Variants in ASPSCR1 observed in about 807,000 individuals in gnomAD.
ASPSCR1 encodes ASPSCR1 tether for SLC2A4, UBX domain containing, also known as tether containing UBX domain for GLUT4.
ASPSCR1 carries 55 observed loss-of-function variants against 68.9 expected under a neutral mutation model. That is an observed-to-expected ratio of 0.80 (90% CI 0.64 to 1.00). The LOEUF is 1.00. ASPSCR1 is among the 50% of genes least tolerant of loss of function. ASPSCR1 has a pLI of 0.00. For synonymous variants in ASPSCR1, 352 were observed against 332.6 expected (o/e 1.06, Z -0.63); for missense variants, 765 against 762.2 (o/e 1.00, Z -0.04).
At chr17:81,992,602 G>A (rs374772892) in intron 4 of ASPSCR1, among the ~76,000 whole-genome samples, 151 of 152,314 alleles carry the variant, frequency 9.9e-4, no homozygotes, top group East Asian at 4.1e-3. Flanking sequence ...TGTCATGCTG[G>A]GGAGCGGGGA....
chr17:81,999,209 CTG>C lies in ASPSCR1; in HGVS notation c.933+2364_933+2365del, dbSNP rs926910619. On this transcript the variant is annotated intron_variant, in intron 7 of 15. Coordinates refer to ENST00000306739, the MANE Select transcript of ASPSCR1 (RefSeq NM_024083.4). The surrounding 1 kb of genome is among the most constrained non-coding windows in gnomAD (Gnocchi z 4.4). ...GGCTGTTTCCCAGCCCCTGTGTCCC[CTG>C]AGGGCCAGGCTGCCAGCTGCCAGCC... 1.3e-5 allele frequency among the ~76,000 whole-genome samples: 2 copies of C among 152,228 alleles called. No individual in the cohort carries two copies. Among genetic ancestry groups the C allele is most frequent in the Non-Finnish European group, 2.9e-5 (2 of 68,040 alleles).
chr17:82,009,772 C>T (rs554780624), intron 9 of ASPSCR1, among the ~76,000 whole-genome samples: 1 of 149,574 alleles, frequency 6.7e-6, no homozygotes, highest in African/African-American at 2.5e-5. Flanking sequence ...GACTGAGGTA[C>T]AGCTCTGAGG....
chr17:81,980,289 C>G (rs1311159683), intron 2 of ASPSCR1, among the ~76,000 whole-genome samples: 3 of 152,234 alleles, frequency 2.0e-5, no homozygotes, highest in Non-Finnish European at 4.4e-5. Flanking sequence ...CCTTGAAGAC[C>G]TGTTTTTACA....
chr17:82,009,108 C>T lies in ASPSCR1; in HGVS notation c.1005C>T (p.Ala335=). Residue 335 remains alanine, a synonymous_variant, in exon 8 of 16, where the codon GCC becomes GCT. Coordinates refer to ENST00000306739, the MANE Select transcript of ASPSCR1 (RefSeq NM_024083.4). ...CCGACCTGGAGGAGCGGCTGCAGGC[C>T]TGGCCAGCGGAGCTGCCTGATGAGT... is the stretch of plus-strand genomic sequence containing the variant. The part of the protein sequence containing the change: ...CHPDLEERLQ[A]WPAELPDEFF... The T allele has an allele frequency of 6.3e-7, 1 of 1,598,454 alleles. No homozygotes were observed. Among genetic ancestry groups the T allele is most frequent in the South Asian group, 1.1e-5 (1 of 88,990 alleles).
intron 5 of ASPSCR1, chr17:81,995,384 T>G: frequency 4.3e-6 from 1 of 230,014 alleles, no homozygotes; most frequent in South Asian, 1.1e-4. Flanking sequence ...ACGGGGAGGT[T>G]CAGGTCTACG....
intron 3 of ASPSCR1, among the ~76,000 whole-genome samples, chr17:81,984,398 G>T (rs1163171057): frequency 6.6e-6 from 1 of 151,958 alleles, no homozygotes; most frequent in East Asian, 1.9e-4. Context: ...CCAACATAAT[G>T]AAACCCCGTC....
chr17:82,014,409 TG>T (rs2144102664), intron 12 of ASPSCR1: 1 of 154,178 alleles, frequency 6.5e-6, no homozygotes, highest in African/African-American at 2.4e-5. Context: ...TCCCGCTCTG[TG>T]GGTGGATGCC....
At chr17:82,000,464 C>T (rs1360606722) in intron 7 of ASPSCR1, among the ~76,000 whole-genome samples, 1 of 152,144 alleles carries the variant, frequency 6.6e-6, no homozygotes, top group Non-Finnish European at 1.5e-5. Flanking sequence ...CCGCCAGCCG[C>T]ACACGCAGAG....
chr17:81,982,444 G>A (rs2041824450), intron 2 of ASPSCR1, among the ~76,000 whole-genome samples: 1 of 152,348 alleles, frequency 6.6e-6, no homozygotes, highest in African/African-American at 2.4e-5. Context: ...GAGGAATGCA[G>A]CCCCAGGCGT....
intron 4 of ASPSCR1, among the ~76,000 whole-genome samples, chr17:81,991,671 A>G (rs917669590): frequency 1.3e-5 from 2 of 152,108 alleles, no homozygotes; most frequent in Admixed American, 1.3e-4. Flanking sequence ...AGCCTGCCCC[A>G]GGCTCTCCCA....
At position 82,010,257 on chromosome 17, in the gene ASPSCR1, T is replaced by C. The variant is rs150701534; in HGVS notation, c.1171-545T>C. Among the ~76,000 whole-genome samples, 743 of 147,606 alleles carry C rather than the reference T, an allele frequency of 5.0e-3. 4 individuals carry two copies. Among genetic ancestry groups the C allele is most frequent in the South Asian group, 0.012 (51 of 4,302 alleles). On this transcript the variant is annotated intron_variant, in intron 9 of 15. Transcript: ENST00000306739. ...TTAAACAGCACATTTGAGCCGGGCG[T>C]GGTGGCTCACGCCTGTAATCCCAGC...
chr17:81,988,820 G>C (rs952438982), intron 4 of ASPSCR1, among the ~76,000 whole-genome samples: 1 of 152,208 alleles, frequency 6.6e-6, no homozygotes, highest in Non-Finnish European at 1.5e-5. Flanking sequence ...TTGCAGCAGA[G>C]TGTGCAGCTG....
chr17:81,996,941 G>C (rs948017423), intron 7 of ASPSCR1, 95 bp downstream of exon 7: 1 of 1,509,222 alleles, frequency 6.6e-7, no homozygotes, highest in Admixed American at 2.3e-5. Context: ...TGGCGTGGCC[G>C]TGATGCGGGC....
chr17:82,012,585 G>A (rs994194864), intron 12 of ASPSCR1, among the ~76,000 whole-genome samples: 8 of 152,160 alleles, frequency 5.3e-5, no homozygotes, highest in South Asian at 2.1e-4. Flanking sequence ...GGGCCAAGGC[G>A]GCAGCAGTCC....
intron 7 of ASPSCR1, chr17:82,005,784 G>C (rs1474751317): frequency 3.9e-5 from 6 of 152,308 alleles, no homozygotes; most frequent in Non-Finnish European, 8.8e-5. Context: ...GCGTCCTGCT[G>C]ACACAGCCCC....
chr17:81,998,505 A>G (rs1431713640), intron 7 of ASPSCR1, among the ~76,000 whole-genome samples: 1 of 152,190 alleles, frequency 6.6e-6, no homozygotes, highest in Non-Finnish European at 1.5e-5. Flanking sequence ...AACAGGAATT[A>G]CTAGTCATTT....
chr17:81,990,180 C>T lies in ASPSCR1; in HGVS notation c.374+4573C>T, dbSNP rs1428144739. On this transcript the variant is annotated intron_variant, in intron 4 of 15. Transcript: ENST00000306739. The surrounding 1 kb of genome is among the most constrained non-coding windows in gnomAD (Gnocchi z 4.1). ...CTCAGTATACCCAAAATACGACTTC[C>T]TGGACACGTAGTCAGTAGAAAAGTG... 6.6e-6 allele frequency among the ~76,000 whole-genome samples: 1 copy of T among 152,192 alleles called. No individual in the cohort carries two copies. Among genetic ancestry groups the T allele is most frequent in the Non-Finnish European group, 1.5e-5 (1 of 68,024 alleles).
rs34085048 is a variant in ASPSCR1 at position 82,009,055 on chromosome 17, G to A, written c.952G>A (p.Val318Met). The change falls in exon 8 of 16, where the codon GTG becomes ATG. Residue 318 changes from valine to methionine, a missense_variant. Physicochemically the swap from Val to Met is conservative, Grantham distance 21. Coordinates refer to ENST00000306739, the MANE Select transcript of ASPSCR1 (RefSeq NM_024083.4). Reference sequence around the variant, plus strand: ...CCTCCAGCCCGTGGACCGGGAGCCCGTGGACCGGGAGCCGGTGGTGTGCCA... The same window carrying A: ...CCTCCAGCCCGTGGACCGGGAGCCCATGGACCGGGAGCCGGTGGTGTGCCA... ...ERERPVDREPVDREPVVCHPD... is the reference protein window; with the variant it reads ...ERERPVDREPMDREPVVCHPD... The A allele has an allele frequency of 4.5e-3, 6,992 of 1,557,470 alleles. 224 individuals are homozygous for A. The African/African-American group carries it at 0.081, about 18-fold the overall frequency.
At chr17:82,013,459 G>A (rs751229878) in intron 12 of ASPSCR1, 4 of 152,200 alleles carry the variant, frequency 2.6e-5, no homozygotes, top group Admixed American at 6.5e-5. Context: ...GGGGCCTCTC[G>A]GGGTGGTGTC....
Sources: gnomAD v4.1 joint callset for allele counts (sites outside exome capture counted in the v4.1 genomes callset) on GRCh38, gnomAD v4.1.1 for gene constraint, Gnocchi (gnomAD v3.1) non-coding constraint, MANE v1.5 for transcripts, NCBI Gene and HGNC (gene_info 2026-07-23, HGNC 2026-07-21) for gene names.